The following PLA2G3 variants were observed in gnomAD, a reference collection of about 807,000 sequenced individuals.
PLA2G3 encodes phospholipase A2 group III, also known as group 3 secretory phospholipase A2.
A neutral mutation model predicts 51.3 loss-of-function variants in PLA2G3; 39 were observed. That is an observed-to-expected ratio of 0.76 (90% confidence interval 0.59 to 0.99). The LOEUF is 0.99. Ranked by LOEUF, PLA2G3 falls within the 50% of genes least tolerant of loss-of-function variation. The pLI is 0.00. For synonymous variants in PLA2G3, 293 were observed against 263.1 expected (o/e 1.11, Z -1.10); for missense variants, 677 against 662.1 (o/e 1.02, Z -0.25).
rs551374117 is a variant in PLA2G3, at chr22:31,140,467, G to A, written c.-113C>T. 1.8e-5 allele frequency: 22 copies of A among 1,237,976 alleles called. No homozygotes were observed. Among genetic ancestry groups the A allele is most frequent in the East Asian group, 9.6e-5 (4 of 41,492 alleles). The allele number at this position is 1,237,976 out of a possible 1,614,324, so 76.7% of individuals were successfully genotyped here. On this transcript the variant is annotated 5_prime_UTR_variant, in exon 1 of 7. Coordinates refer to ENST00000215885, the MANE Select transcript of PLA2G3 (RefSeq NM_015715.5). ...AAGCGGAGCCCAGCAGGCCCGGTGC[G>A]GCGGGACCAATGAATGGAGCTGCGG... is the stretch of plus-strand genomic sequence containing the variant.
At chr22:31,138,153 G>A in intron 3 of PLA2G3, 123 bp downstream of exon 3, 4 of 1,380,638 alleles carry the variant, frequency 2.9e-6, no homozygotes, top group Non-Finnish European at 3.9e-6. Flanking sequence ...GCCCTCAGGA[G>A]AGGACATGCA....
chr22:31,137,619 G>T, intron 4 of PLA2G3, 91 bp downstream of exon 4: 1 of 1,162,024 alleles, frequency 8.6e-7, no homozygotes, highest in Non-Finnish European at 1.2e-6. Context: ...GGAAACTGGT[G>T]CAGGAAAAGA....
At chr22:31,136,605 C>A in intron 6 of PLA2G3, 78 bp downstream of exon 6, 1 of 1,137,108 alleles carries the variant, frequency 8.8e-7, no homozygotes, top group East Asian at 2.3e-5. Flanking sequence ...TACCCCTTGG[C>A]CCAAGCATTC....
In PLA2G3 at chr22:31,140,189, C is replaced by A; in HGVS notation, c.166G>T (p.Ala56Ser). 4 of 1,612,490 alleles carry A rather than the reference C, an allele frequency of 2.5e-6. No homozygotes were observed. Among genetic ancestry groups the A allele is most frequent in the Non-Finnish European group, 3.4e-6 (4 of 1,179,808 alleles). Residue 56 changes from alanine (A) to serine (S), a missense_variant, in exon 1 of 7, where the codon GCC becomes TCC. Physicochemically the swap from Ala to Ser is moderately conservative, Grantham distance 99. Transcript: ENST00000215885. The stretch of plus-strand genomic sequence containing the variant: ...GCATCCCAGCGGGCATGGATCAGGG[C>A]CAGTCCCTGAGCATCCTTGGCCAGG... ...SFLAKDAQGL[A>S]LIHARWDAHR...
chr22:31,137,678 CAGGAACCCCCAAGGTT>C lies in PLA2G3; in HGVS notation c.1066+16_1066+31del. ...CAGAAGCAGGGACACCCCCTCATGT[CAGGAACCCCCAAGGTT>C]AGGTTCTGAGCTCACCCTGAGGTTT... On this transcript the variant is annotated intron_variant, in intron 4 of 6. Transcript: ENST00000215885. 1 of 1,548,182 alleles carries C rather than the reference CAGGAACCCCCAAGGTT, an allele frequency of 6.5e-7. No homozygotes were observed. The highest frequency in any genetic ancestry group is 8.7e-7 in the Non-Finnish European group (1 of 1,151,604).
rs756232339 is a variant in PLA2G3 at position 31,137,851 on chromosome 22, G to A, written c.925C>T (p.Arg309Trp). ...CCTTTCTGATGTGGTGGCCCCTTCC[G>A]AAGGTGCTGCTTCTGTCGAGGCTTG... is the stretch of plus-strand genomic sequence containing the variant. The part of the protein sequence containing the change: ...PPKPRQKQHL[R>W]KGPPHQKGSK... The change falls in exon 4 of 7, where the codon CGG becomes TGG. Residue 309 changes from arginine (R) to tryptophan (W), a missense_variant. Arg to Trp is a moderately radical substitution (Grantham distance 101, BLOSUM62 -3). Transcript: ENST00000215885. The A allele has an allele frequency of 3.3e-5, 54 of 1,614,090 alleles. No individual in the cohort carries two copies. The highest frequency in any genetic ancestry group is 1.8e-4 in the Admixed American group (11 of 60,016).
rs1323550673 is a variant in PLA2G3 at position 31,140,041 on chromosome 22, T to C, written c.314A>G (p.Gln105Arg). Reference protein sequence around the residue: ...SFIHTPGPELQRALATLQSQW... With the variant: ...SFIHTPGPELRRALATLQSQW... ...ACTCTGAAGAGTGGCCAGTGCTCTCTGCAGCTCGGGTCCGGGGGTGTGGAT... is the reference window on the plus strand; with the variant it reads ...ACTCTGAAGAGTGGCCAGTGCTCTCCGCAGCTCGGGTCCGGGGGTGTGGAT... The change falls in exon 1 of 7, where the codon CAG becomes CGG. Residue 105 changes from glutamine (Q) to arginine (R), a missense_variant. Coordinates refer to ENST00000215885, the MANE Select transcript of PLA2G3 (RefSeq NM_015715.5). The C allele has an allele frequency of 1.2e-6, 2 of 1,613,716 alleles. No individual in the cohort carries two copies. The highest frequency in any genetic ancestry group is 1.7e-4 in the Middle Eastern group (1 of 5,922).
At position 31,135,510 on chromosome 22, in the gene PLA2G3, G is replaced by A; in HGVS notation, c.*213C>T. ...CTGAACACCACATCCAGGCATAGAAGAGTTGTGTCATACATAGCTCAAGGT... is the reference window on the plus strand; with the variant it reads ...CTGAACACCACATCCAGGCATAGAAAAGTTGTGTCATACATAGCTCAAGGT... On this transcript the variant is annotated 3_prime_UTR_variant, in exon 7 of 7. Coordinates refer to ENST00000215885, the MANE Select transcript of PLA2G3 (RefSeq NM_015715.5). 1 of 582,982 alleles carries A rather than the reference G, an allele frequency of 1.7e-6. No homozygotes were observed. Among genetic ancestry groups the A allele is most frequent in the Non-Finnish European group, 3.1e-6 (1 of 326,130 alleles). The allele number at this position is 582,982 out of a possible 1,614,324, so 36.1% of individuals were successfully genotyped here.
In PLA2G3 at chr22:31,140,281, C is replaced by T. The variant is rs777279506; in HGVS notation, c.74G>A (p.Arg25His). ...CAAGTGGCAGGAGGTCCTGTACCAG[C>T]GGAGGGCAGGGGAGCCCCCCAGGGC... ...GVALGGSPAL[R>H]WYRTSCHLTK... is the part of the protein sequence containing the mutation. Residue 25 changes from arginine (R) to histidine (H), a missense_variant, in exon 1 of 7, where the codon CGC becomes CAC. Transcript: ENST00000215885. The T allele has an allele frequency of 1.1e-5, 17 of 1,612,028 alleles. No individual in the cohort carries two copies. The highest frequency in any genetic ancestry group is 4.5e-5 in the East Asian group (2 of 44,874).
At chr22:31,137,509 G>T (rs1269118547) in intron 4 of PLA2G3, among the ~76,000 whole-genome samples, 1 of 152,230 alleles carries the variant, frequency 6.6e-6, no homozygotes, top group Non-Finnish European at 1.5e-5. Flanking sequence ...AAGAGGAGTG[G>T]TGGTGGGTGC....
chr22:31,136,706 T>C lies in PLA2G3; in HGVS notation c.1293A>G (p.Pro431=). ...ACTTTTTGCCTTCCACACAGTCCAG[T>C]GGAGGGGCCAGCTTGAAGCAGGTTG... ...LGTTCFKLAP[P]LDCVEGKNCS... The change falls in exon 6 of 7, where the codon CCA becomes CCG. Residue 431 remains proline (P), a synonymous_variant. Transcript: ENST00000215885. The C allele has an allele frequency of 6.2e-7, 1 of 1,613,434 alleles. No homozygotes were observed. The highest frequency in any genetic ancestry group is 8.5e-7 in the Non-Finnish European group (1 of 1,179,792).
Position 31,137,997 on chromosome 22 carries a change from G to T in PLA2G3, c.783-4C>A. The T allele has an allele frequency of 1.3e-6, 2 of 1,535,692 alleles. No homozygotes were observed. Among genetic ancestry groups the T allele is most frequent in the Non-Finnish European group, 1.7e-6 (2 of 1,147,178 alleles). ...CACTGTGCCGTACATCCTACACCTG[G>T]GTGGTGGCAGTTGGTGGAAATTGGT... On this transcript the variant is annotated splice_polypyrimidine_tract_variant and splice_region_variant and intron_variant, in intron 3 of 6. Transcript: ENST00000215885.
At chr22:31,139,753 C>A in intron 1 of PLA2G3, 88 bp downstream of exon 1, 1 of 868,420 alleles carries the variant, frequency 1.2e-6, no homozygotes, top group Middle Eastern at 2.7e-4. Context: ...CCCCCAGGGA[C>A]ACACAGCCTA....
intron 1 of PLA2G3, among the ~76,000 whole-genome samples, chr22:31,139,519 A>G (rs1365053321): frequency 6.6e-6 from 1 of 151,908 alleles, no homozygotes; most frequent in East Asian, 1.9e-4. Context: ...TCCACTGGGC[A>G]CCCCGTGCCC....
intron 2 of PLA2G3, 124 bp from the exon 3 acceptor site, chr22:31,138,534 C>T: frequency 1.3e-6 from 2 of 1,498,498 alleles, no homozygotes; most frequent in Non-Finnish European, 1.8e-6. Flanking sequence ...CTGGCCTCAG[C>T]TTTCCTACCT....
intron 6 of PLA2G3, 52 bp from the exon 7 acceptor site, chr22:31,135,988 C>T (rs1922538055): frequency 6.8e-7 from 1 of 1,470,316 alleles, no homozygotes; most frequent in South Asian, 1.1e-5. Flanking sequence ...AGGATCCCAC[C>T]TTACTCTGCA....
chr22:31,137,956 G>A lies in PLA2G3; in HGVS notation c.820C>T (p.Gln274Ter). Residue 274 changes from glutamine (Q) to a stop codon, truncating the protein, a stop_gained, in exon 4 of 7, where the codon CAG becomes TAG. Coordinates refer to ENST00000215885, the MANE Select transcript of PLA2G3 (RefSeq NM_015715.5). LOFTEE classifies it high-confidence loss of function. ...GAGGCATTGTAGAAGGTCCTGGGCT[G>A]CAGGCGAGCGAGGGGCACTGTGCCG... ...MYGTVPLARL[Q>*]PRTFYNASWS... 6 of 1,596,958 alleles carry A rather than the reference G, an allele frequency of 3.8e-6. No individual in the cohort carries two copies. The highest frequency in any genetic ancestry group is 4.3e-6 in the Non-Finnish European group (5 of 1,172,684).
chr22:31,136,867 C>T lies in PLA2G3; in HGVS notation c.1199+41G>A, dbSNP rs767720420. The stretch of plus-strand genomic sequence containing the variant: ...GCCAGGGGCCCCTTCCCATGCCTGG[C>T]AGCAGGCAGCCCACCCCGCGAGGGT... On this transcript the variant is annotated intron_variant, in intron 5 of 6. Transcript: ENST00000215885. 6.2e-6 allele frequency: 10 copies of T among 1,601,286 alleles called. No homozygotes were observed. In the African/African-American group the frequency reaches 1.2e-4, roughly 19 times the overall value.
Position 31,137,878 on chromosome 22 carries a change from G to A in PLA2G3, c.898C>T (p.Pro300Ser). The A allele has an allele frequency of 6.2e-7, 1 of 1,614,046 alleles. No individual in the cohort carries two copies. The highest frequency in any genetic ancestry group is 8.5e-7 in the Non-Finnish European group (1 of 1,179,974). The stretch of plus-strand genomic sequence containing the variant: ...AGGTGCTGCTTCTGTCGAGGCTTGG[G>A]AGGGGCTGGGCTCCGGGAGCTGGGA... ...PTPSSRSPAP[P>S]KPRQKQHLRK... is the part of the protein sequence containing the mutation. The change falls in exon 4 of 7, where the codon CCC becomes TCC. Residue 300 changes from proline to serine, a missense_variant. By Grantham distance (74) the Pro-to-Ser change is moderately conservative. Transcript: ENST00000215885.
Sources: gnomAD v4.1 joint callset for allele counts (sites outside exome capture counted in the v4.1 genomes callset) on GRCh38, gnomAD v4.1.1 for gene constraint, MANE v1.5 for transcripts, NCBI Gene and HGNC (gene_info 2026-07-23, HGNC 2026-07-21) for gene names.